The following SECISBP2 variants were observed in gnomAD, a reference collection of about 807,000 sequenced individuals.
SECISBP2 encodes the protein SECIS binding protein 2, also known as selenocysteine insertion sequence-binding protein 2.
A neutral mutation model predicts 98.2 loss-of-function variants in SECISBP2; 96 were observed. The observed-to-expected ratio is 0.98, with a 90% CI of 0.83 to 1.16. The LOEUF is 1.16. Among genes scored for constraint, SECISBP2 ranks in the 50% most tolerant of loss-of-function variants. SECISBP2 has a pLI of 0.00. For synonymous variants in SECISBP2, 407 were observed against 370.2 expected (o/e 1.10, Z -1.14); for missense variants, 1,046 against 1,022.9 (o/e 1.02, Z -0.31).
At chr9:89,355,338 G>A in intron 14 of SECISBP2, 2 of 985,414 alleles carry the variant, frequency 2.0e-6, no homozygotes, top group Non-Finnish European at 2.4e-6. Flanking sequence ...AGCATATGCT[G>A]TGCCTTCCTC....
At chr9:89,323,012 A>G (rs1826073152) in intron 2 of SECISBP2, 1 of 152,234 alleles carries the variant, frequency 6.6e-6, no homozygotes, top group African/African-American at 2.4e-5. Flanking sequence ...TAGGCACTGG[A>G]AATAGTAAAG....
intron 11 of SECISBP2, 26 bp downstream of exon 11, chr9:89,347,074 G>C (rs1160076263): frequency 6.2e-7 from 1 of 1,610,560 alleles, no homozygotes; most frequent in East Asian, 2.2e-5. Context: ...CAGCCGAAGT[G>C]AGGCACTAGA....
chr9:89,359,044 A>T lies in SECISBP2; in HGVS notation c.*220A>T. On this transcript the variant is annotated 3_prime_UTR_variant, in exon 17 of 17. Coordinates refer to ENST00000375807, the MANE Select transcript of SECISBP2 (RefSeq NM_024077.5). ...TGTGCAGGTGTTAATCTTCTCTAAA[A>T]GCCTGGTGATACAGCTCTGGCTTTC... is the stretch of plus-strand genomic sequence containing the variant. 1 of 562,172 alleles carries T rather than the reference A, an allele frequency of 1.8e-6. No homozygotes were observed. Among genetic ancestry groups the T allele is most frequent in the Non-Finnish European group, 3.2e-6 (1 of 315,664 alleles). 34.8% of individuals were successfully genotyped at this position (562,172 alleles called of 1,614,324 possible).
Position 89,328,894 on chromosome 9 carries a change from G to A in SECISBP2, c.801+8G>A. 1 of 1,601,264 alleles carries A rather than the reference G, an allele frequency of 6.2e-7. No individual in the cohort carries two copies. The highest frequency in any genetic ancestry group is 8.6e-7 in the Non-Finnish European group (1 of 1,168,884). ...GCTGCAGTGTTATCAAAGGTGAGGT[G>A]AGGGTTTCTCTCTTTTTCTTTTTCC... is the stretch of plus-strand genomic sequence containing the variant. On this transcript the variant is annotated splice_region_variant and intron_variant, in intron 5 of 16. Coordinates refer to ENST00000375807, the MANE Select transcript of SECISBP2 (RefSeq NM_024077.5).
chr9:89,348,192 T>C lies in SECISBP2; in HGVS notation c.1716T>C (p.Phe572=). 6.2e-7 allele frequency: 1 copy of C among 1,614,196 alleles called. No individual in the cohort carries two copies. Among genetic ancestry groups the C allele is most frequent in the Non-Finnish European group, 8.5e-7 (1 of 1,180,018 alleles). Residue 572 remains phenylalanine (F), a synonymous_variant, in exon 12 of 17, where the codon TTT becomes TTC. Transcript: ENST00000375807. The part of the protein sequence containing the change: ...QDGESGGDDQ[F]PEQAELSGPE... ...GAGAGAGTGGTGGTGATGACCAGTT[T>C]CCCGAGCAGGCAGAGCTGTCAGGTA...
chr9:89,366,548 GT>G, the SECISBP2 span, among the ~76,000 whole-genome samples: 1 of 152,022 alleles, frequency 6.6e-6, no homozygotes, highest in Non-Finnish European at 1.5e-5. Flanking sequence ...TCTATAATTT[GT>G]TTTTTCCCAC....
chr9:89,348,310 C>T (rs541329926), intron 12 of SECISBP2, 96 bp downstream of exon 12: 1 of 1,401,812 alleles, frequency 7.1e-7, no homozygotes, highest in South Asian at 1.2e-5. Context: ...ACTTGGCTGA[C>T]TCCTCTTCCT....
chr9:89,348,579 G>C (rs369329600), intron 12 of SECISBP2, among the ~76,000 whole-genome samples: 4 of 152,244 alleles, frequency 2.6e-5, no homozygotes, highest in Admixed American at 6.5e-5. Context: ...ACACAATTGT[G>C]TGTTTTTAAG....
chr9:89,344,912 A>G (rs2131892449), intron 10 of SECISBP2, among the ~76,000 whole-genome samples: 1 of 152,300 alleles, frequency 6.6e-6, no homozygotes, highest in African/African-American at 2.4e-5. Flanking sequence ...ACAAGGAAAA[A>G]ATATGTATTT....
Position 89,328,775 on chromosome 9 carries a change from G to C in SECISBP2, c.690G>C (p.Glu230Asp), listed in dbSNP as rs1827217263. ...ACTTTCCTGAACTGCAAGGTGCAGA[G>C]AACAATATGTCAGAGATACAGAAGC... ...TLDFPELQGA[E>D]NNMSEIQKQP... Residue 230 changes from glutamate (E) to aspartate (D), a missense_variant, in exon 5 of 17, where the codon GAG becomes GAC. By Grantham distance (45) the Glu-to-Asp change is conservative. Transcript: ENST00000375807. The C allele has an allele frequency of 6.2e-7, 1 of 1,614,084 alleles. No homozygotes were observed. The highest frequency in any genetic ancestry group is 1.1e-5 in the South Asian group (1 of 91,096).
In SECISBP2 at chr9:89,358,837, G is replaced by C; in HGVS notation, c.*13G>C. On this transcript the variant is annotated 3_prime_UTR_variant, in exon 17 of 17. Coordinates refer to ENST00000375807, the MANE Select transcript of SECISBP2 (RefSeq NM_024077.5). ...TTTGAATTTATGAGAGTTCTTGCCT[G>C]TGTGTCTGTATTTTGGGTAAGGAGG... 6.4e-7 allele frequency: 1 copy of C among 1,569,044 alleles called. No homozygotes were observed.
chr9:89,321,090 A>C (rs1049084872), intron 2 of SECISBP2, among the ~76,000 whole-genome samples: 2 of 152,196 alleles, frequency 1.3e-5, no homozygotes, highest in African/African-American at 4.8e-5. Context: ...TATATGCTGG[A>C]ATTTGGTCTT....
At chr9:89,336,366 CTG>C (rs1258081998) in intron 7 of SECISBP2, among the ~76,000 whole-genome samples, 6 of 151,862 alleles carry the variant, frequency 4.0e-5, no homozygotes, top group African/African-American at 1.4e-4. Context: ...ATTCCTAGAA[CTG>C]TTTCTTCAAG....
At chr9:89,334,793 T>G (rs1828354011) in intron 7 of SECISBP2, 63 bp downstream of exon 7, 1 of 1,223,896 alleles carries the variant, frequency 8.2e-7, no homozygotes, top group South Asian at 1.2e-5. Context: ...GAGTGGGGAA[T>G]GAGAAGTTAT....
chr9:89,350,425 G>T (rs772719013), intron 13 of SECISBP2, among the ~76,000 whole-genome samples: 4 of 152,224 alleles, frequency 2.6e-5, no homozygotes, highest in Non-Finnish European at 4.4e-5. Flanking sequence ...TTTGTCCCTT[G>T]TAGTTGGGAA....
chr9:89,319,515 T>G (rs1382620356), intron 1 of SECISBP2, 137 bp from the exon 2 acceptor site: 2 of 980,150 alleles, frequency 2.0e-6, no homozygotes, highest in Non-Finnish European at 3.2e-6. Context: ...CAGGTTCTTG[T>G]CTTTACGAGG....
chr9:89,326,317 C>T (rs1826690851), intron 4 of SECISBP2, among the ~76,000 whole-genome samples: 1 of 152,208 alleles, frequency 6.6e-6, no homozygotes, highest in African/African-American at 2.4e-5. Context: ...TTTTCATTGA[C>T]TTCACTCATA....
intron 4 of SECISBP2, among the ~76,000 whole-genome samples, chr9:89,327,315 G>A (rs1587866222): frequency 1.3e-5 from 2 of 152,178 alleles, no homozygotes; most frequent in South Asian, 2.1e-4. Flanking sequence ...TGTTGGAGAC[G>A]TTCTAAACAT....
intron 7 of SECISBP2, among the ~76,000 whole-genome samples, chr9:89,338,188 A>G (rs1829082057): frequency 6.6e-6 from 1 of 152,200 alleles, no homozygotes; most frequent in South Asian, 2.1e-4. Context: ...GAACACCATG[A>G]TCTCCTCAAG....
Sources: allele counts gnomAD v4.1 joint callset (sites outside exome capture counted in the v4.1 genomes callset), GRCh38; gene constraint gnomAD v4.1.1; transcripts MANE v1.5; gene names NCBI Gene and HGNC (gene_info 2026-07-23, HGNC 2026-07-21).